Variants in HNRNPUL2 observed in about 807,000 individuals in gnomAD.
HNRNPUL2 encodes the protein heterogeneous nuclear ribonucleoprotein U like 2, also known as heterogeneous nuclear ribonucleoprotein U-like protein 2.
HNRNPUL2 carries 27 observed loss-of-function variants against 102.2 expected under a neutral mutation model. The observed-to-expected ratio is 0.26, with a 90% CI of 0.19 to 0.36. The LOEUF (loss-of-function observed/expected upper bound fraction) is 0.36, where lower values mean the gene tolerates loss of function less well. HNRNPUL2 is among the 10% of genes least tolerant of loss of function. HNRNPUL2 has a pLI of 1.00. For missense variants in HNRNPUL2, 936 were observed against 981.1 expected (o/e 0.95, Z 0.61); for synonymous variants, 458 against 387.2 (o/e 1.18, Z -2.15).
chr11:62,721,966 A>G, intron 7 of HNRNPUL2, 24 bp from the exon 8 acceptor site: 1 of 1,611,926 alleles, frequency 6.2e-7, no homozygotes, highest in Non-Finnish European at 8.5e-7. Context: ...AACCAGAAAT[A>G]TAATGAAAAA....
chr11:62,722,251 C>T lies in HNRNPUL2; in HGVS notation c.1225G>A (p.Val409Ile), dbSNP rs2083708611. 2 of 1,614,190 alleles carry T rather than the reference C, an allele frequency of 1.2e-6. No individual in the cohort carries two copies. The highest frequency in any genetic ancestry group is 2.2e-5 in the East Asian group (1 of 44,884). Residue 409 changes from valine (V) to isoleucine (I), a missense_variant, in exon 7 of 14, where the codon GTT becomes ATT. By Grantham distance (29) the Val-to-Ile change is conservative (BLOSUM62 3). Coordinates refer to ENST00000301785, the MANE Select transcript of HNRNPUL2 (RefSeq NM_001079559.3). Reference sequence around the variant, plus strand: ...TTCTGACCGAAGTTTAATTCTACAACACAATTTTTGCAGAGGACATGGGGT... The same window carrying T: ...TTCTGACCGAAGTTTAATTCTACAATACAATTTTTGCAGAGGACATGGGGT... ...LLPHVLCKNC[V>I]VELNFGQKEE... is the part of the protein sequence containing the mutation.
chr11:62,724,188 A>G, intron 2 of HNRNPUL2, 103 bp downstream of exon 2: 2 of 1,459,988 alleles, frequency 1.4e-6, no homozygotes, highest in Non-Finnish European at 1.9e-6. Flanking sequence ...ATAAAAACCT[A>G]TTCCATTTTG....
rs202034984 is a variant in HNRNPUL2 at position 62,715,212 on chromosome 11, CCT to C, written c.*85_*86del. 6.6e-4 allele frequency: 603 copies of C among 915,588 alleles called. 7 individuals carry two copies. In the Admixed American group the frequency reaches 8.0e-3, roughly 12 times the overall value. The allele number at this position is 915,588 out of a possible 1,614,324, so 56.7% of individuals were successfully genotyped here. ...GCAGCTCAGCCCCACCCCGACAGCC[CCT>C]GTTTTCCTTGGTTGTGTTTTGCGGG... On this transcript the variant is annotated 3_prime_UTR_variant, in exon 14 of 14. Coordinates refer to ENST00000301785, the MANE Select transcript of HNRNPUL2 (RefSeq NM_001079559.3).
chr11:62,715,475 G>C (rs372677904), intron 13 of HNRNPUL2, 25 bp downstream of exon 13: 1 of 1,587,688 alleles, frequency 6.3e-7, no homozygotes, highest in Non-Finnish European at 8.6e-7. Flanking sequence ...CCTTCACCCT[G>C]TGTCTATCCC....
intron 1 of HNRNPUL2, among the ~76,000 whole-genome samples, chr11:62,725,511 AT>A (rs899628674): frequency 6.6e-5 from 10 of 152,064 alleles, no homozygotes; most frequent in Non-Finnish European, 1.2e-4. Context: ...TCCTTCAATT[AT>A]TTTTTTATCT....
At position 62,717,172 on chromosome 11, in the gene HNRNPUL2, C is replaced by G. The variant is rs1271821985; in HGVS notation, c.1798G>C (p.Glu600Gln). The change falls in exon 11 of 14, where the codon GAA becomes CAA. Residue 600 changes from glutamate (E) to glutamine (Q), a missense_variant. This residue lies in a region of HNRNPUL2 where 609 missense variants were observed against 713.0 expected (regional missense o/e 0.85). Transcript: ENST00000301785. ...ACCTCATCCATATAGTCGCATTTTT[C>G]AGGCAAAGAGAAGTTGGCTATAAGA... ...LEMKANFSLP[E>Q]KCDYMDEVTY... 4.3e-6 allele frequency: 7 copies of G among 1,613,914 alleles called. No individual in the cohort carries two copies. Among genetic ancestry groups the G allele is most frequent in the Middle Eastern group, 1.6e-4 (1 of 6,062 alleles).
chr11:62,714,205 C>G lies in HNRNPUL2; in HGVS notation c.*1094G>C, dbSNP rs1004838807. ...GTGTATCAAAAAAACCAGCAGGGCA[C>G]GAGCCCTCCACACTGTAGAAAATAG... On this transcript the variant is annotated 3_prime_UTR_variant, in exon 14 of 14. Transcript: ENST00000301785. 1 of 149,000 alleles carries G rather than the reference C, an allele frequency of 6.7e-6. No homozygotes were observed. Among genetic ancestry groups the G allele is most frequent in the Non-Finnish European group, 1.5e-5 (1 of 67,594 alleles). 9.2% of individuals were successfully genotyped at this position (149,000 alleles called of 1,614,324 possible).
At chr11:62,721,272 A>G (rs774999265) in intron 9 of HNRNPUL2, 23 bp downstream of exon 9, 21 of 1,593,192 alleles carry the variant, frequency 1.3e-5, no homozygotes, top group Admixed American at 1.8e-5. Context: ...CCTTGACTCT[A>G]GGCAATTTTA....
At chr11:62,718,367 C>T (rs1487346372) in intron 10 of HNRNPUL2, among the ~76,000 whole-genome samples, 1 of 152,090 alleles carries the variant, frequency 6.6e-6, no homozygotes, top group African/African-American at 2.4e-5. Context: ...CCAATGAGAT[C>T]ATTCACTCCA....
At chr11:62,720,863 CAAAAAAAAAA>C (rs10615770) in intron 9 of HNRNPUL2, among the ~76,000 whole-genome samples, 1 of 77,278 alleles carries the variant, frequency 1.3e-5, no homozygotes, top group African/African-American at 5.0e-5. Context: ...GACTCGGTCT[CAAAAAAAAAA>C]AAAAAAAAAA....
chr11:62,715,784 G>T, intron 12 of HNRNPUL2, 80 bp downstream of exon 12: 1 of 1,386,040 alleles, frequency 7.2e-7, no homozygotes, highest in Non-Finnish European at 1.0e-6. Context: ...TAAGAAAACA[G>T]GCAAACCACT....
At chr11:62,726,587 G>A in intron 1 of HNRNPUL2, 32 bp downstream of exon 1, 1 of 1,500,794 alleles carries the variant, frequency 6.7e-7, no homozygotes. Context: ...CAGCCGGCAG[G>A]TTGGAGCCGG....
intron 4 of HNRNPUL2, 112 bp from the exon 5 acceptor site, chr11:62,723,015 A>C: frequency 5.5e-6 from 4 of 731,114 alleles, no homozygotes; most frequent in Non-Finnish European, 9.4e-6. Context: ...ACCTCAACTC[A>C]ACATCAGAAT....
chr11:62,722,873 A>G lies in HNRNPUL2; in HGVS notation c.922T>C (p.Cys308Arg). 3 of 1,614,206 alleles carry G rather than the reference A, an allele frequency of 1.9e-6. No homozygotes were observed. Among genetic ancestry groups the G allele is most frequent in the South Asian group, 1.1e-5 (1 of 91,082 alleles). Residue 308 changes from cysteine (C) to arginine (R), a missense_variant, in exon 5 of 14, where the codon TGC (cysteine) becomes CGC (arginine). Physicochemically the swap from Cys to Arg is radical, Grantham distance 180. Around this residue, in one of 2 missense-constraint regions of HNRNPUL2, gnomAD observed 609 missense variants for 713.0 expected, o/e 0.85. Coordinates refer to ENST00000301785, the MANE Select transcript of HNRNPUL2 (RefSeq NM_001079559.3). The part of the protein sequence containing the change: ...VTQNLPMKEG[C>R]TEVSLLRVGW... ...ACTCGAAGGAGAGAGACCTCTGTGC[A>G]GCCTTCTTTCATTGGGAGATTCTGG...
chr11:62,726,650 C>T lies in HNRNPUL2; in HGVS notation c.507G>A (p.Glu169=). 6.3e-7 allele frequency: 1 copy of T among 1,597,218 alleles called. No homozygotes were observed. Among genetic ancestry groups the T allele is most frequent in the Non-Finnish European group, 8.5e-7 (1 of 1,178,226 alleles). Residue 169 remains glutamate, a synonymous_variant, in exon 1 of 14, where the codon GAG becomes GAA. Transcript: ENST00000301785. ...ERSGDETPGS[E]VPGDKAAEEQ... The stretch of plus-strand genomic sequence containing the variant: ...CCTCGGCGGCCTTGTCACCCGGCAC[C>T]TCGGATCCCGGCGTCTCGTCCCCGC...
chr11:62,723,973 G>A lies in HNRNPUL2; in HGVS notation c.692C>T (p.Pro231Leu). ...CTCATCTTTTGCCTCTTCTTCAGGA[G>A]GCAGTGGAGACTTTGAGCTATATAT... ...AYHSRSKSPL[P>L]PEEEAKDEEE... The change falls in exon 3 of 14, where the codon CCT becomes CTT. Residue 231 changes from proline to leucine, a missense_variant. Transcript: ENST00000301785. 6.2e-7 allele frequency: 1 copy of A among 1,613,876 alleles called. No individual in the cohort carries two copies. Among genetic ancestry groups the A allele is most frequent in the South Asian group, 1.1e-5 (1 of 91,048 alleles).
chr11:62,716,306 A>G lies in HNRNPUL2; in HGVS notation c.1982-369T>C, dbSNP rs190836766. Among the ~76,000 whole-genome samples, 11 of 152,350 alleles carry G rather than the reference A, an allele frequency of 7.2e-5. No individual in the cohort carries two copies. In the East Asian group the frequency reaches 1.9e-3, roughly 27 times the overall value. On this transcript the variant is annotated intron_variant, in intron 11 of 13. Transcript: ENST00000301785. ...AGATATCGTATAACCCATACCTATCATTTTATGCAAAAGAAACAAAGTCTC... is the reference window on the plus strand; with the variant it reads ...AGATATCGTATAACCCATACCTATCGTTTTATGCAAAAGAAACAAAGTCTC...
chr11:62,715,224 G>C lies in HNRNPUL2; in HGVS notation c.*75C>G. The C allele has an allele frequency of 1.0e-6, 1 of 962,092 alleles. No individual in the cohort carries two copies. 59.6% of individuals were successfully genotyped at this position (962,092 alleles called of 1,614,324 possible). A position where few individuals can be genotyped will look rare whatever the true frequency, so the allele number is the denominator to read the frequency against. ...CACCCCGACAGCCCCTGTTTTCCTT[G>C]GTTGTGTTTTGCGGGGGTGCCTGGC... On this transcript the variant is annotated 3_prime_UTR_variant, in exon 14 of 14. Transcript: ENST00000301785.
intron 1 of HNRNPUL2, among the ~76,000 whole-genome samples, chr11:62,726,289 C>T (rs371486600): frequency 1.3e-5 from 2 of 152,154 alleles, no homozygotes; most frequent in African/African-American, 2.4e-5. Flanking sequence ...TCCCCAATTG[C>T]TTAGCACTTT....
Sources: gnomAD v4.1 joint callset for allele counts (sites outside exome capture counted in the v4.1 genomes callset) on GRCh38, gnomAD v4.1.1 for gene constraint, gnomAD v4.1.1 regional missense constraint, MANE v1.5 for transcripts, NCBI Gene and HGNC (gene_info 2026-07-23, HGNC 2026-07-21) for gene names.